CCDC146: variants seen among roughly 807,000 people sequenced by gnomAD.
CCDC146 encodes coiled-coil domain containing 146, also known as coiled-coil domain-containing protein 146.
CCDC146 carries 92 observed loss-of-function variants against 119.3 expected under a neutral mutation model. The observed-to-expected ratio is 0.77, with a 90% CI of 0.65 to 0.92. The LOEUF (loss-of-function observed/expected upper bound fraction) is 0.92, where lower values mean the gene tolerates loss of function less well. CCDC146 is among the 40% of genes least tolerant of loss of function. The probability of loss-of-function intolerance (pLI) is 0.00; values close to 1 mark genes in which losing one functional copy is unlikely to be tolerated. For missense variants in CCDC146, 1,000 were observed against 1,103.0 expected, an observed-to-expected ratio of 0.91 and a Z score of 1.32; for synonymous variants, 372 against 371.8, an observed-to-expected ratio of 1.00 and a Z score of -0.01.
intron 2 of CCDC146, among the ~76,000 whole-genome samples, chr7:77,171,546 C>T (rs1403493001): frequency 1.3e-5 from 2 of 152,188 alleles, no homozygotes; most frequent in Non-Finnish European, 2.9e-5. Flanking sequence ...ATCTGCGCTC[C>T]CCATCAGTAC....
intron 2 of CCDC146, among the ~76,000 whole-genome samples, chr7:77,181,045 C>T (rs1254999008): frequency 6.6e-6 from 1 of 152,122 alleles, no homozygotes; most frequent in Non-Finnish European, 1.5e-5. Flanking sequence ...GGAAGATACA[C>T]AGATCAGGGG....
At chr7:77,167,883 T>G in intron 2 of CCDC146, 59 bp downstream of exon 2, 1 of 1,573,494 alleles carries the variant, frequency 6.4e-7, no homozygotes, top group South Asian at 1.2e-5. Context: ...ACTTAAAAAT[T>G]CAAATGAAGC....
chr7:77,274,480 A>G lies in CCDC146; in HGVS notation c.1270-2A>G. 3 of 1,528,660 alleles carry G rather than the reference A, an allele frequency of 2.0e-6. No individual in the cohort carries two copies. Among genetic ancestry groups the G allele is most frequent in the Non-Finnish European group, 2.6e-6 (3 of 1,137,976 alleles). The allele number at this position is 1,528,660 out of a possible 1,614,324, so 94.7% of individuals were successfully genotyped here. A position where few individuals can be genotyped will look rare whatever the true frequency, so the allele number is the denominator to read the frequency against. On this transcript the variant is annotated splice_acceptor_variant, in intron 10 of 18. Transcript: ENST00000285871. LOFTEE classifies it high-confidence loss of function. ...AATATTATCTGTGTTTTTTTTCAAA[A>G]GAAAATTATATCAGAAATGGAGTCT...
chr7:77,284,226 A>C (rs549912391), intron 15 of CCDC146, among the ~76,000 whole-genome samples: 1 of 152,282 alleles, frequency 6.6e-6, no homozygotes, highest in South Asian at 2.1e-4. Context: ...CATTACAGAA[A>C]TGCAAAGCAC....
chr7:77,279,801 T>C (rs1313076385), intron 13 of CCDC146, among the ~76,000 whole-genome samples: 1 of 152,220 alleles, frequency 6.6e-6, no homozygotes, highest in African/African-American at 2.4e-5. Flanking sequence ...TCATTTATTA[T>C]TTACCATGTG....
intron 9 of CCDC146, 33 bp downstream of exon 9, chr7:77,262,340 G>A: frequency 4.7e-6 from 7 of 1,486,532 alleles, no homozygotes; most frequent in Non-Finnish European, 6.3e-6. Context: ...TGATTTTTAA[G>A]CTCGGTGCTA....
At chr7:77,271,957 C>T (rs557208418) in intron 9 of CCDC146, among the ~76,000 whole-genome samples, 10 of 152,154 alleles carry the variant, frequency 6.6e-5, no homozygotes, top group South Asian at 2.1e-4. Flanking sequence ...CTGTTATTCA[C>T]GTTTACATCT....
chr7:77,123,423 T>TGTGA (rs1485588209), intron 1 of CCDC146, among the ~76,000 whole-genome samples: 1 of 149,296 alleles, frequency 6.7e-6, no homozygotes, highest in Non-Finnish European at 1.5e-5. Flanking sequence ...TGTGTGTGTG[T>TGTGA]GTGTGTGTGT....
intron 1 of CCDC146, among the ~76,000 whole-genome samples, chr7:77,139,375 GC>G (rs1790902382): frequency 6.6e-6 from 1 of 152,206 alleles, no homozygotes; most frequent in Non-Finnish European, 1.5e-5. Flanking sequence ...GGAGAGAGAT[GC>G]ATAGGCAGAG....
At chr7:77,218,531 A>C (rs1792340928) in intron 2 of CCDC146, among the ~76,000 whole-genome samples, 2 of 152,002 alleles carry the variant, frequency 1.3e-5, no homozygotes, top group South Asian at 4.1e-4. Context: ...AATCCAGTGG[A>C]ATATGAATCC....
chr7:77,250,973 TTGTGTG>T (rs58026945), intron 4 of CCDC146, among the ~76,000 whole-genome samples: 16,308 of 114,512 alleles, frequency 0.14, 984 homozygotes, highest in African/African-American at 0.17. Flanking sequence ...TCTCTGGTAT[TTGTGTG>T]TGTGTGTGTG....
chr7:77,209,938 C>A (rs184724818), intron 2 of CCDC146, among the ~76,000 whole-genome samples: 2 of 152,322 alleles, frequency 1.3e-5, no homozygotes, highest in Admixed American at 1.3e-4. Context: ...AGGCCTGGCC[C>A]ACAAAACCAT....
intron 1 of CCDC146, among the ~76,000 whole-genome samples, chr7:77,133,064 G>A (rs1170329117): frequency 1.3e-5 from 2 of 151,844 alleles, no homozygotes; most frequent in Non-Finnish European, 2.9e-5. Context: ...CCTGCTACTC[G>A]GGAGGCTGAG....
chr7:77,271,052 G>GAA (rs11294929), intron 9 of CCDC146, among the ~76,000 whole-genome samples: 12,050 of 134,158 alleles, frequency 0.09, 961 homozygotes, highest in East Asian at 0.4. Flanking sequence ...TGCAGCTCTG[G>GAA]AAAAAAAAAA....
At chr7:77,157,043 T>G (rs1039117610) in intron 1 of CCDC146, among the ~76,000 whole-genome samples, 1 of 122,810 alleles carries the variant, frequency 8.1e-6, no homozygotes, top group Non-Finnish European at 1.6e-5. Flanking sequence ...AACAAAAAAA[T>G]GGAAGTGTCC....
intron 2 of CCDC146, among the ~76,000 whole-genome samples, chr7:77,216,112 A>G (rs1452885046): frequency 6.6e-6 from 1 of 151,980 alleles, no homozygotes; most frequent in Non-Finnish European, 1.5e-5. Context: ...TAATTTAGGA[A>G]GATTTGTGCT....
chr7:77,232,784 A>T (rs1011585223), intron 2 of CCDC146, among the ~76,000 whole-genome samples: 2 of 152,168 alleles, frequency 1.3e-5, no homozygotes, highest in African/African-American at 4.8e-5. Flanking sequence ...GGGGAGGATG[A>T]GTGCTGAGTG....
At chr7:77,275,986 A>C (rs563873091) in intron 11 of CCDC146, among the ~76,000 whole-genome samples, 2 of 151,904 alleles carry the variant, frequency 1.3e-5, no homozygotes, top group African/African-American at 2.4e-5. Flanking sequence ...GCGGGTGGAT[A>C]ACTTGAGGTC....
Position 77,273,720 on chromosome 7 carries a change from T to A in CCDC146, c.1200T>A (p.Ser400=). ...TGGAAGCTATCCCCAAAGATGATTC[T>A]ACATTATCTGAGAGAAGGCGAGAGC... ...LEMEAIPKDD[S]TLSERRRELH... Residue 400 remains serine, a synonymous_variant, in exon 10 of 19, where the codon TCT becomes TCA. Transcript: ENST00000285871. The A allele has an allele frequency of 6.2e-7, 1 of 1,610,972 alleles. No individual in the cohort carries two copies. Among genetic ancestry groups the A allele is most frequent in the Non-Finnish European group, 8.5e-7 (1 of 1,178,032 alleles).
Sources: allele counts gnomAD v4.1 joint callset (sites outside exome capture counted in the v4.1 genomes callset), GRCh38; gene constraint gnomAD v4.1.1; transcripts MANE v1.5; gene names NCBI Gene and HGNC (gene_info 2026-07-23, HGNC 2026-07-21).